Variants in ELP4 observed in about 807,000 individuals in gnomAD.
ELP4 encodes the protein elongator complex protein 4.
ELP4 carries 51 observed loss-of-function variants against 48.9 expected under a neutral mutation model. The ratio of observed to expected loss-of-function variants is 1.04; its 90% CI spans 0.83 to 1.32. The LOEUF is 1.32. ELP4 is among the 40% of genes most tolerant of loss of function. The pLI, the probability that ELP4 is intolerant of heterozygous loss-of-function variation, is 0.00. For synonymous variants in ELP4, 210 were observed against 189.2 expected (o/e 1.11, Z -0.90); for missense variants, 519 against 514.6 (o/e 1.01, Z -0.08).
At position 31,627,194 on chromosome 11, in the gene ELP4, G is replaced by A. The variant is rs1159774780; in HGVS notation, c.738G>A (p.Gln246=). 2 of 1,358,282 alleles carry A rather than the reference G, an allele frequency of 1.5e-6. No individual in the cohort carries two copies. Among genetic ancestry groups the A allele is most frequent in the Non-Finnish European group, 2.0e-6 (2 of 1,020,066 alleles). 84.1% of individuals were successfully genotyped at this position (1,358,282 alleles called of 1,614,324 possible). Residue 246 remains glutamine, a splice_region_variant and synonymous_variant, in exon 6 of 10, where the codon CAG becomes CAA. Transcript: ENST00000640961. The part of the protein sequence containing the change: ...YEEGFDGSNP[Q]KKQRNILRIG... ...AAGGATTTGATGGATCCAATCCTCA[G>A]GTATTAAATAGCTTCAAAGTCTTTT...
intron 3 of ELP4, among the ~76,000 whole-genome samples, chr11:31,553,044 A>G (rs1956876978): frequency 6.6e-6 from 1 of 152,156 alleles, no homozygotes; most frequent in Non-Finnish European, 1.5e-5. Context: ...AATAAATGTT[A>G]CAACGTCCTA....
chr11:31,581,497 G>A (rs917222452), intron 3 of ELP4, among the ~76,000 whole-genome samples: 1 of 150,078 alleles, frequency 6.7e-6, no homozygotes, highest in Non-Finnish European at 1.5e-5. Context: ...TCTCAGAGCA[G>A]TCCATTGTTG....
intron 3 of ELP4, among the ~76,000 whole-genome samples, chr11:31,590,133 T>G (rs1410198099): frequency 1.3e-5 from 2 of 152,154 alleles, no homozygotes; most frequent in Non-Finnish European, 2.9e-5. Context: ...GCAATTATTT[T>G]TGCACCAACC....
intron 9 of ELP4, among the ~76,000 whole-genome samples, chr11:31,734,641 G>T (rs1311897261): frequency 6.6e-6 from 1 of 151,928 alleles, no homozygotes; most frequent in East Asian, 1.9e-4. Flanking sequence ...AAATACTTAG[G>T]AAAAAACTTC....
At chr11:31,632,496 T>C (rs1358702806) in intron 7 of ELP4, 91 bp downstream of exon 7, 1 of 1,048,214 alleles carries the variant, frequency 9.5e-7, no homozygotes, top group Non-Finnish European at 1.3e-6. Flanking sequence ...TAACTAATGA[T>C]GTTGACCATC....
chr11:31,583,592 A>T (rs1445933993), intron 3 of ELP4, among the ~76,000 whole-genome samples: 2 of 152,124 alleles, frequency 1.3e-5, no homozygotes, highest in African/African-American at 4.8e-5. Context: ...ACACAGCGAG[A>T]CTCCAACTCA....
At chr11:31,566,170 C>T (rs1957107948) in intron 3 of ELP4, among the ~76,000 whole-genome samples, 1 of 151,948 alleles carries the variant, frequency 6.6e-6, no homozygotes, top group Non-Finnish European at 1.5e-5. Flanking sequence ...CCAGCCTGGG[C>T]AACATGGTGA....
At chr11:31,623,354 A>AATATAT (rs779632233) in intron 5 of ELP4, among the ~76,000 whole-genome samples, 49 of 9,238 alleles carry the variant, frequency 5.3e-3, no homozygotes, top group East Asian at 0.022. Flanking sequence ...ATTTTCAGCA[A>AATATAT]ATATATATAT....
chr11:31,625,938 G>A (rs891067614), intron 5 of ELP4, among the ~76,000 whole-genome samples: 3 of 151,820 alleles, frequency 2.0e-5, no homozygotes, highest in Non-Finnish European at 4.4e-5. Flanking sequence ...CACTGAAAAT[G>A]GAGAAATAAC....
At chr11:31,592,982 G>C (rs1486738564) in intron 3 of ELP4, among the ~76,000 whole-genome samples, 1 of 152,160 alleles carries the variant, frequency 6.6e-6, no homozygotes, top group Non-Finnish European at 1.5e-5. Flanking sequence ...TAAGTTGTGA[G>C]TAACCATTGT....
intron 3 of ELP4, among the ~76,000 whole-genome samples, chr11:31,552,828 T>G (rs1449291294): frequency 6.6e-6 from 1 of 152,136 alleles, no homozygotes; most frequent in East Asian, 1.9e-4. Flanking sequence ...CTAGCTAATA[T>G]TCTGTTACCT....
At position 31,580,377 on chromosome 11, in the gene ELP4, G is replaced by A. The variant is rs369046577; in HGVS notation, c.382-14393G>A. On this transcript the variant is annotated intron_variant, in intron 3 of 9. Coordinates refer to ENST00000640961, the MANE Select transcript of ELP4 (RefSeq NM_019040.5). ...CTAAAGGATCTAATATTAGTAGTAG[G>A]TGTTCCTTTTAATATTAATGTAAAA... Among the ~76,000 whole-genome samples the A allele has an allele frequency of 3.9e-4, 60 of 152,306 alleles. No individual in the cohort carries two copies. In the South Asian group the frequency reaches 0.012, roughly 31 times the overall value.
intron 5 of ELP4, among the ~76,000 whole-genome samples, chr11:31,625,507 G>A (rs1944724105): frequency 6.6e-6 from 1 of 151,710 alleles, no homozygotes; most frequent in Non-Finnish European, 1.5e-5. Flanking sequence ...GTGACAACAT[G>A]GGTGAAACTG....
At chr11:31,515,520 C>T (rs1352823531) in intron 1 of ELP4, among the ~76,000 whole-genome samples, 8 of 152,008 alleles carry the variant, frequency 5.3e-5, no homozygotes, top group African/African-American at 1.7e-4. Flanking sequence ...AAAGAATTAG[C>T]CAGTCATGGT....
intron 9 of ELP4, among the ~76,000 whole-genome samples, chr11:31,739,470 A>C (rs973937211): frequency 2.0e-5 from 3 of 152,158 alleles, no homozygotes; most frequent in African/African-American, 7.2e-5. Flanking sequence ...TGTTTCCTTG[A>C]CATGTACAAT....
intron 4 of ELP4, chr11:31,599,044 T>A (rs11031426): frequency 1.1e-4 from 16 of 151,906 alleles, no homozygotes; most frequent in African/African-American, 7.3e-5. Context: ...AATATATATC[T>A]AATTTATTAT....
intron 3 of ELP4, among the ~76,000 whole-genome samples, chr11:31,541,054 TC>T (rs976072213): frequency 6.6e-6 from 1 of 152,230 alleles, no homozygotes; most frequent in African/African-American, 2.4e-5. Flanking sequence ...AAGTCATTTT[TC>T]CATAGGATAT....
intron 9 of ELP4, among the ~76,000 whole-genome samples, chr11:31,691,094 A>G (rs1229995381): frequency 1.3e-5 from 2 of 151,958 alleles, no homozygotes; most frequent in South Asian, 2.1e-4. Context: ...CAGAATACCT[A>G]TTTTGTTATG....
At chr11:31,600,351 T>C (rs1957758950) in intron 4 of ELP4, 1 of 152,186 alleles carries the variant, frequency 6.6e-6, no homozygotes, top group African/African-American at 2.4e-5. Flanking sequence ...ATTTTCTCAG[T>C]ATTGTAGAGC....
Sources: gnomAD v4.1 joint callset for allele counts (sites outside exome capture counted in the v4.1 genomes callset) on GRCh38, gnomAD v4.1.1 for gene constraint, MANE v1.5 for transcripts, NCBI Gene and HGNC (gene_info 2026-07-23, HGNC 2026-07-21) for gene names.